The following RPIA variants were observed in gnomAD, a reference collection of about 807,000 sequenced individuals.
RPIA encodes ribose 5-phosphate isomerase A.
RPIA carries 29 observed loss-of-function variants against 37.8 expected under a neutral mutation model. The observed-to-expected ratio is 0.77, with a 90% CI of 0.57 to 1.05. The LOEUF (loss-of-function observed/expected upper bound fraction) is 1.05. Among genes scored for constraint, RPIA ranks in the 50% least tolerant of loss-of-function variants. RPIA has a pLI of 0.00. For missense variants in RPIA, 385 were observed against 413.6 expected, an observed-to-expected ratio of 0.93 and a Z score of 0.60; for synonymous variants, 167 against 157.0, an observed-to-expected ratio of 1.06 and a Z score of -0.48.
chr2:88,727,037 C>T (rs561683076), intron 3 of RPIA, among the ~76,000 whole-genome samples: 48 of 152,326 alleles, frequency 3.2e-4, no homozygotes, highest in Admixed American at 6.5e-4. Context: ...CCGCGCATGG[C>T]TGTTAGCGAT....
intron 1 of RPIA, among the ~76,000 whole-genome samples, chr2:88,693,643 A>C (rs945423771): frequency 6.6e-6 from 1 of 152,248 alleles, no homozygotes; most frequent in Non-Finnish European, 1.5e-5. Context: ...AGCATTGGTC[A>C]CAGTGGGTCC....
At chr2:88,722,777 A>G (rs1445871501) in intron 3 of RPIA, among the ~76,000 whole-genome samples, 1 of 152,194 alleles carries the variant, frequency 6.6e-6, no homozygotes, top group East Asian at 1.9e-4. Flanking sequence ...TGACTCTTGA[A>G]ACTCTGCAAA....
At chr2:88,733,759 A>G (rs1400571928) in intron 4 of RPIA, among the ~76,000 whole-genome samples, 2 of 152,240 alleles carry the variant, frequency 1.3e-5, no homozygotes, top group African/African-American at 2.4e-5. Context: ...TACCCTGCAT[A>G]CTACTTGCTG....
chr2:88,748,576 G>A (rs1673465464), intron 8 of RPIA, among the ~76,000 whole-genome samples: 1 of 152,198 alleles, frequency 6.6e-6, no homozygotes, highest in African/African-American at 2.4e-5. Flanking sequence ...TTATGTCATT[G>A]AAGTATGTGT....
In RPIA at chr2:88,732,742, A is replaced by AT. The variant is rs1172950990; in HGVS notation, c.463-1810_463-1809insT. ...TTAGAGTATAATAAAAAAAAAAAAA[A>AT]AAAAAAAAAAAAAAAAAAAAAAAGA... On this transcript the variant is annotated intron_variant, in intron 4 of 8. Coordinates refer to ENST00000283646, the MANE Select transcript of RPIA (RefSeq NM_144563.3). 2.7e-4 allele frequency among the ~76,000 whole-genome samples: 3 copies of AT among 11,096 alleles called. 1 individual carries two copies. The highest frequency in any genetic ancestry group is 1.5e-3 in the East Asian group (2 of 1,292). The allele number at this position is 11,096 out of a possible 152,430, so 7.3% of individuals were successfully genotyped here.
At chr2:88,720,299 C>A (rs1673103984) in intron 3 of RPIA, among the ~76,000 whole-genome samples, 1 of 151,952 alleles carries the variant, frequency 6.6e-6, no homozygotes, top group Non-Finnish European at 1.5e-5. Context: ...GGAATTATTT[C>A]CATAAAACGT....
chr2:88,713,772 T>C (rs1403339100), intron 3 of RPIA, among the ~76,000 whole-genome samples: 6 of 152,254 alleles, frequency 3.9e-5, no homozygotes, highest in Non-Finnish European at 7.3e-5. Context: ...TTTGTCCCTT[T>C]GCTTCATTTT....
chr2:88,724,801 G>T (rs1249372954), intron 3 of RPIA, among the ~76,000 whole-genome samples: 1 of 152,168 alleles, frequency 6.6e-6, no homozygotes, highest in Non-Finnish European at 1.5e-5. Context: ...GCCAGAACTG[G>T]TTTAAACCAA....
At chr2:88,701,579 T>C (rs1445371732) in intron 3 of RPIA, among the ~76,000 whole-genome samples, 1 of 202 alleles carries the variant, frequency 5.0e-3, no homozygotes, top group African/African-American at 0.033. Context: ...TATTTCTTGC[T>C]CTTTACATGG....
intron 3 of RPIA, among the ~76,000 whole-genome samples, chr2:88,713,099 A>AATATATATATATATAT (rs1553420187): frequency 2.2e-4 from 10 of 45,586 alleles, no homozygotes; most frequent in African/African-American, 8.7e-4. Context: ...TGGATGTCTG[A>AATATATATATATATAT]ATATATATAT....
At chr2:88,722,533 A>T (rs1673146697) in intron 3 of RPIA, among the ~76,000 whole-genome samples, 1 of 152,256 alleles carries the variant, frequency 6.6e-6, no homozygotes, top group African/African-American at 2.4e-5. Flanking sequence ...AACGGACTCC[A>T]TCTTGCTTCT....
At chr2:88,739,629 A>C (rs1298649846) in intron 8 of RPIA, among the ~76,000 whole-genome samples, 1 of 152,038 alleles carries the variant, frequency 6.6e-6, no homozygotes, top group Admixed American at 6.5e-5. Context: ...TTATTTATTA[A>C]TTTTTTGAGA....
chr2:88,737,128 G>A (rs948779630), intron 7 of RPIA, among the ~76,000 whole-genome samples: 1 of 152,124 alleles, frequency 6.6e-6, no homozygotes, highest in Non-Finnish European at 1.5e-5. Flanking sequence ...TTCTTGGGGT[G>A]TGTGAACTCT....
intron 1 of RPIA, among the ~76,000 whole-genome samples, chr2:88,697,858 C>T (rs1053288081): frequency 1.3e-5 from 2 of 152,122 alleles, no homozygotes; most frequent in Admixed American, 1.3e-4. Flanking sequence ...TCAGGCCCTC[C>T]CTTTATCTGC....
At chr2:88,735,545 A>C in intron 5 of RPIA, 124 bp from the exon 6 acceptor site, 1 of 891,772 alleles carries the variant, frequency 1.1e-6, no homozygotes, top group Non-Finnish European at 1.9e-6. Context: ...TCCCTTTAAA[A>C]ATTAAAAGTT....
At chr2:88,702,527 A>G (rs1672844738) in intron 3 of RPIA, among the ~76,000 whole-genome samples, 1 of 139,966 alleles carries the variant, frequency 7.1e-6, no homozygotes, top group Admixed American at 6.8e-5. Context: ...TGAGGAAGAC[A>G]CAAAAGCAAC....
At chr2:88,720,695 C>G (rs1673109916) in intron 3 of RPIA, among the ~76,000 whole-genome samples, 1 of 151,608 alleles carries the variant, frequency 6.6e-6, no homozygotes, top group Admixed American at 6.6e-5. Context: ...GAATGGCTAT[C>G]ATTAAAAAGT....
At chr2:88,729,406 A>G (rs749178974) in intron 4 of RPIA, 69 bp downstream of exon 4, 319 of 1,405,954 alleles carry the variant, frequency 2.3e-4, no homozygotes, top group Middle Eastern at 1.1e-3. Flanking sequence ...TCACTTGTTC[A>G]TGGGCTCCAG....
At position 88,737,322 on chromosome 2, in the gene RPIA, T is replaced by A. The variant is rs570155765; in HGVS notation, c.738+646T>A. On this transcript the variant is annotated intron_variant, in intron 7 of 8. Coordinates refer to ENST00000283646, the MANE Select transcript of RPIA (RefSeq NM_144563.3). ...AACATTTTGGAGGATATCGAAAAGATCTGTCACCCTACCCTGATACATTTT... is the reference window on the plus strand; with the variant it reads ...AACATTTTGGAGGATATCGAAAAGAACTGTCACCCTACCCTGATACATTTT... Among the ~76,000 whole-genome samples the A allele has an allele frequency of 1.1e-3, 170 of 152,316 alleles. 1 individual carries two copies. The highest frequency in any genetic ancestry group is 1.7e-3 in the Non-Finnish European group (118 of 68,024).
Sources: allele counts gnomAD v4.1 joint callset (sites outside exome capture counted in the v4.1 genomes callset), GRCh38; gene constraint gnomAD v4.1.1; transcripts MANE v1.5; gene names NCBI Gene and HGNC (gene_info 2026-07-23, HGNC 2026-07-21).